Variants in CMC1 observed in about 807,000 individuals in gnomAD.
CMC1 encodes the protein C-X9-C motif containing 1, also known as COX assembly mitochondrial protein homolog.
In CMC1, 14 loss-of-function variants were observed where a neutral mutation model predicts 14.1. That is an observed-to-expected ratio of 0.99 (90% CI 0.66 to 1.55). The LOEUF is 1.55. Among genes scored for constraint, CMC1 ranks in the 40% most tolerant of loss-of-function variants. The probability of loss-of-function intolerance (pLI) is 0.00; values close to 1 mark genes in which losing one functional copy is unlikely to be tolerated. For synonymous variants in CMC1, 50 were observed against 38.4 expected, an observed-to-expected ratio of 1.30 and a Z score of -1.12; for missense variants, 127 against 123.8, an observed-to-expected ratio of 1.03 and a Z score of -0.12.
chr3:28,310,233 C>T (rs1384909378), intron 2 of CMC1, among the ~76,000 whole-genome samples: 1 of 152,198 alleles, frequency 6.6e-6, no homozygotes, highest in Non-Finnish European at 1.5e-5. Context: ...GGTATCAACT[C>T]AACTGTTAGC....
chr3:28,254,277 T>A (rs1311202756), intron 1 of CMC1, among the ~76,000 whole-genome samples: 1 of 152,224 alleles, frequency 6.6e-6, no homozygotes, highest in East Asian at 1.9e-4. Flanking sequence ...GAATCAAAAT[T>A]GCCATTTCTA....
chr3:28,258,273 T>C (rs1449278523), intron 1 of CMC1, among the ~76,000 whole-genome samples: 1 of 151,500 alleles, frequency 6.6e-6, no homozygotes, highest in Non-Finnish European at 1.5e-5. Context: ...TTCTTAATTG[T>C]GTCTTTTGAT....
chr3:28,278,406 A>T (rs1213039562), intron 2 of CMC1, among the ~76,000 whole-genome samples: 2 of 152,208 alleles, frequency 1.3e-5, no homozygotes, highest in East Asian at 1.9e-4. Flanking sequence ...AATCTCTCTT[A>T]TAAAGGGAAA....
intron 2 of CMC1, among the ~76,000 whole-genome samples, chr3:28,286,777 T>C (rs1701204234): frequency 1.3e-5 from 2 of 152,170 alleles, no homozygotes; most frequent in Admixed American, 6.5e-5. Flanking sequence ...AGATTGAAGC[T>C]CAGTTGCCCT....
chr3:28,308,197 G>A (rs1438812280), intron 2 of CMC1, among the ~76,000 whole-genome samples: 2 of 151,396 alleles, frequency 1.3e-5, no homozygotes, highest in African/African-American at 4.9e-5. Flanking sequence ...ACATCTTTGG[G>A]GACTATTATG....
rs1703133600 is a variant in CMC1, at chr3:28,319,918, T to TAA, written c.*289_*290insAA. ...TTTAGAGTTCAATATGGTCCTTATA[T>TAA]TATTTTTTTCCAGTGTATATGCTAA... On this transcript the variant is annotated 3_prime_UTR_variant, in exon 4 of 4. Coordinates refer to ENST00000466830, the MANE Select transcript of CMC1 (RefSeq NM_182523.2). The TAA allele has an allele frequency of 5.1e-6, 1 of 195,648 alleles. No homozygotes were observed. The highest frequency in any genetic ancestry group is 1.0e-5 in the Non-Finnish European group (1 of 96,888). The allele number at this position is 195,648 out of a possible 1,614,324, so 12.1% of individuals were successfully genotyped here.
intron 2 of CMC1, among the ~76,000 whole-genome samples, chr3:28,288,212 AT>A (rs1701292910): frequency 6.6e-6 from 1 of 152,094 alleles, no homozygotes; most frequent in African/African-American, 2.4e-5. Context: ...ATATGTCTTT[AT>A]TTTATTAAAA....
intron 2 of CMC1, among the ~76,000 whole-genome samples, chr3:28,301,370 C>T (rs1475635479): frequency 2.0e-5 from 3 of 152,072 alleles, no homozygotes; most frequent in Non-Finnish European, 4.4e-5. Flanking sequence ...CATGCGTGTG[C>T]CACCATACCC....
intron 1 of CMC1, among the ~76,000 whole-genome samples, chr3:28,249,417 A>G (rs1337265589): frequency 6.6e-6 from 1 of 152,220 alleles, no homozygotes; most frequent in African/African-American, 2.4e-5. Flanking sequence ...GTCATTTGTT[A>G]AACAGTTAAA....
At chr3:28,316,229 G>GT (rs1702905972) in intron 2 of CMC1, 104 bp from the exon 3 acceptor site, 1 of 598,470 alleles carries the variant, frequency 1.7e-6, no homozygotes, top group Non-Finnish European at 2.8e-6. Flanking sequence ...TCCAGCCTGG[G>GT]TGACAGGCTT....
At chr3:28,276,001 G>A (rs985808290) in intron 2 of CMC1, among the ~76,000 whole-genome samples, 4 of 152,180 alleles carry the variant, frequency 2.6e-5, no homozygotes, top group Non-Finnish European at 4.4e-5. Context: ...AGCTGCAGTG[G>A]TGGCTGCTGC....
chr3:28,271,091 C>A (rs1322792852), intron 2 of CMC1, among the ~76,000 whole-genome samples: 4 of 151,352 alleles, frequency 2.6e-5, no homozygotes. Flanking sequence ...CCACCATACT[C>A]GGCCGAGTTA....
At chr3:28,305,532 A>C (rs914220001) in intron 2 of CMC1, among the ~76,000 whole-genome samples, 1 of 152,140 alleles carries the variant, frequency 6.6e-6, no homozygotes. Flanking sequence ...CATTCTGTTT[A>C]TAAGCATTCC....
At chr3:28,281,686 T>G (rs988644394) in intron 2 of CMC1, among the ~76,000 whole-genome samples, 1 of 152,100 alleles carries the variant, frequency 6.6e-6, no homozygotes, top group Non-Finnish European at 1.5e-5. Context: ...TATTAAACAA[T>G]TTATAATAAA....
Position 28,241,641 on chromosome 3 carries a change from G to C in CMC1, c.-153G>C. ...AGGAGCCTGGGAAGGAAGAGGGAAC[G>C]GGTCCTGGCGGTGCTTTGCAAAGGG... On this transcript the variant is annotated 5_prime_UTR_variant, in exon 1 of 4. Coordinates refer to ENST00000466830, the MANE Select transcript of CMC1 (RefSeq NM_182523.2). 1.6e-6 allele frequency: 2 copies of C among 1,232,208 alleles called. No individual in the cohort carries two copies. Among genetic ancestry groups the C allele is most frequent in the South Asian group, 4.2e-5 (1 of 23,540 alleles). 76.3% of individuals were successfully genotyped at this position (1,232,208 alleles called of 1,614,324 possible).
At chr3:28,263,240 A>G in intron 1 of CMC1, 51 bp from the exon 2 acceptor site, 1 of 1,315,202 alleles carries the variant, frequency 7.6e-7, no homozygotes, top group Non-Finnish European at 1.1e-6. Flanking sequence ...TTTTCCTTTA[A>G]TCTGGTGATT....
chr3:28,280,199 T>C (rs545756970), intron 2 of CMC1, among the ~76,000 whole-genome samples: 7 of 152,330 alleles, frequency 4.6e-5, no homozygotes, highest in Admixed American at 2.0e-4. Flanking sequence ...ATTTATATAG[T>C]GTTTCAGAAT....
intron 2 of CMC1, among the ~76,000 whole-genome samples, chr3:28,281,000 C>A (rs1024775176): frequency 6.6e-6 from 1 of 152,180 alleles, no homozygotes; most frequent in African/African-American, 2.4e-5. Flanking sequence ...TGGGTAGTTG[C>A]AACAGAGACC....
intron 2 of CMC1, among the ~76,000 whole-genome samples, chr3:28,283,239 T>C (rs1700986524): frequency 6.6e-6 from 1 of 151,948 alleles, no homozygotes; most frequent in African/African-American, 2.4e-5. Flanking sequence ...CTTGGCCAGG[T>C]GTGGTGGCTC....
Sources: allele counts gnomAD v4.1 joint callset (sites outside exome capture counted in the v4.1 genomes callset), GRCh38; gene constraint gnomAD v4.1.1; transcripts MANE v1.5; gene names NCBI Gene and HGNC (gene_info 2026-07-23, HGNC 2026-07-21).